The following EDIL3 variants were observed in gnomAD, a reference collection of about 807,000 sequenced individuals.
EDIL3 encodes EGF-like repeat and discoidin I-like domain-containing protein 3.
Under a neutral mutation model 67.4 loss-of-function variants are expected in EDIL3, and 37 were observed. That is an observed-to-expected ratio of 0.55 (90% CI 0.42 to 0.72). EDIL3 has a LOEUF of 0.72. Among genes scored for constraint, EDIL3 ranks in the 30% least tolerant of loss-of-function variants. The pLI is 0.00. For synonymous variants in EDIL3, 195 were observed against 196.3 expected, an observed-to-expected ratio of 0.99 and a Z score of 0.05; for missense variants, 527 against 586.3, an observed-to-expected ratio of 0.90 and a Z score of 1.04.
At chr5:84,338,370 G>A (rs1747030999) in intron 1 of EDIL3, among the ~76,000 whole-genome samples, 1 of 152,180 alleles carries the variant, frequency 6.6e-6, no homozygotes, top group South Asian at 2.1e-4. Context: ...TCTGCCATGA[G>A]AGGACCATTC....
intron 6 of EDIL3, among the ~76,000 whole-genome samples, chr5:84,084,088 T>C (rs538237849): frequency 3.3e-4 from 50 of 152,280 alleles, no homozygotes; most frequent in Non-Finnish European, 5.6e-4. Flanking sequence ...ATACTTTATA[T>C]GTTTTCAAAA....
chr5:84,312,062 A>T (rs1298193532), intron 1 of EDIL3, among the ~76,000 whole-genome samples: 1 of 152,066 alleles, frequency 6.6e-6, no homozygotes, highest in Non-Finnish European at 1.5e-5. Flanking sequence ...CCCGTTCTCA[A>T]TGAGCTGTTG....
intron 1 of EDIL3, among the ~76,000 whole-genome samples, chr5:84,330,694 G>A (rs75640289): frequency 0.018 from 2,738 of 152,214 alleles, 86 homozygotes; most frequent in African/African-American, 0.062. Flanking sequence ...CTTTTAAGTA[G>A]ATAGGGTCAC....
At chr5:84,294,791 C>T (rs1014265259) in intron 1 of EDIL3, among the ~76,000 whole-genome samples, 16 of 152,230 alleles carry the variant, frequency 1.1e-4, no homozygotes, top group African/African-American at 2.9e-4. Flanking sequence ...ATGTGCATTA[C>T]GTTTGTAAAT....
intron 9 of EDIL3, among the ~76,000 whole-genome samples, chr5:83,978,654 A>G (rs1212584018): frequency 1.3e-5 from 2 of 152,044 alleles, no homozygotes; most frequent in African/African-American, 4.8e-5. Flanking sequence ...AGGATAGACA[A>G]GCAGAAAATC....
chr5:84,002,340 GA>G (rs890504388), intron 9 of EDIL3, among the ~76,000 whole-genome samples: 16 of 151,664 alleles, frequency 1.1e-4, no homozygotes, highest in African/African-American at 3.9e-4. Flanking sequence ...CACTAAATGG[GA>G]AAAAAAACTG....
At chr5:84,377,307 CAAAA>C (rs773972385) in intron 1 of EDIL3, among the ~76,000 whole-genome samples, 2 of 68,078 alleles carry the variant, frequency 2.9e-5, no homozygotes, top group African/African-American at 5.6e-5. Flanking sequence ...GACTCCGTCT[CAAAA>C]AAAAAAAAAA....
At chr5:84,337,379 G>C (rs12697733) in intron 1 of EDIL3, among the ~76,000 whole-genome samples, 72,130 of 151,884 alleles carry the variant, frequency 0.47, 17,294 homozygotes, top group East Asian at 0.59. Context: ...AGAGGGAGTG[G>C]GGAGACTACT....
At chr5:84,373,041 C>T in intron 1 of EDIL3, among the ~76,000 whole-genome samples, 1 of 152,074 alleles carries the variant, frequency 6.6e-6, no homozygotes. Flanking sequence ...CATGTGGTAC[C>T]AGTTCCTTTG....
intron 4 of EDIL3, among the ~76,000 whole-genome samples, chr5:84,142,323 G>C (rs970434852): frequency 1.3e-5 from 2 of 151,902 alleles, no homozygotes; most frequent in Non-Finnish European, 2.9e-5. Flanking sequence ...TACAGATTCC[G>C]CTAGTTGGCC....
intron 1 of EDIL3, among the ~76,000 whole-genome samples, chr5:84,297,247 A>G (rs1194672730): frequency 1.3e-5 from 2 of 151,788 alleles, no homozygotes; most frequent in Non-Finnish European, 1.5e-5. Context: ...TTTTCTAAAG[A>G]GGACATATAT....
chr5:84,078,475 T>A (rs866292801), intron 6 of EDIL3, among the ~76,000 whole-genome samples: 1 of 152,190 alleles, frequency 6.6e-6, no homozygotes, highest in Non-Finnish European at 1.5e-5. Context: ...TATAACATCA[T>A]GTACTCTCCA....
rs565243207 is a variant in EDIL3, at chr5:84,161,717, C to T, written c.355+18676G>A. Among the ~76,000 whole-genome samples the T allele has an allele frequency of 2.0e-5, 3 of 152,214 alleles. No individual in the cohort carries two copies. The South Asian group carries it at 6.2e-4, about 32-fold the overall frequency. On this transcript the variant is annotated intron_variant, in intron 4 of 10. Transcript: ENST00000296591. Reference sequence around the variant, plus strand: ...GATATCCAAGTTGGAACTCCTCATTCCCAGCTTAGGCCTACCTGGGAAAAT... The same window carrying T: ...GATATCCAAGTTGGAACTCCTCATTTCCAGCTTAGGCCTACCTGGGAAAAT...
chr5:83,962,371 C>T (rs535899117), intron 10 of EDIL3, among the ~76,000 whole-genome samples: 34 of 151,466 alleles, frequency 2.2e-4, no homozygotes, highest in African/African-American at 7.5e-4. Context: ...CTCTAAGCAA[C>T]GAATTAACTT....
chr5:84,192,454 G>A (rs375581859), intron 3 of EDIL3, among the ~76,000 whole-genome samples: 1 of 151,868 alleles, frequency 6.6e-6, no homozygotes, highest in East Asian at 1.9e-4. Context: ...TTGCTCAAAT[G>A]ACTCTGCAGC....
At chr5:84,066,401 AT>A in intron 7 of EDIL3, 49 bp downstream of exon 7, 1 of 1,524,864 alleles carries the variant, frequency 6.6e-7, no homozygotes, top group Non-Finnish European at 8.8e-7. Flanking sequence ...ATAATCAATA[AT>A]TATCAATGAC....
intron 3 of EDIL3, among the ~76,000 whole-genome samples, chr5:84,191,495 C>T (rs968120959): frequency 6.6e-6 from 1 of 151,992 alleles, no homozygotes; most frequent in African/African-American, 2.4e-5. Context: ...ATGTGGCTTC[C>T]TTGTGGCAGA....
chr5:84,343,147 T>C (rs147490031), intron 1 of EDIL3, among the ~76,000 whole-genome samples: 52 of 152,226 alleles, frequency 3.4e-4, no homozygotes, highest in African/African-American at 1.2e-3. Flanking sequence ...GAAAACAGTA[T>C]TGAGAAGTCA....
intron 2 of EDIL3, among the ~76,000 whole-genome samples, chr5:84,246,750 T>C (rs1744915412): frequency 3.9e-5 from 6 of 152,154 alleles, no homozygotes; most frequent in Admixed American, 3.3e-4. Context: ...TTTTTTTCTT[T>C]CTGAAAGTTA....
Sources: allele counts gnomAD v4.1 joint callset (sites outside exome capture counted in the v4.1 genomes callset), GRCh38; gene constraint gnomAD v4.1.1; transcripts MANE v1.5; gene names NCBI Gene and HGNC (gene_info 2026-07-23, HGNC 2026-07-21).